Variants in OCA2 observed in about 807,000 individuals in gnomAD.
The protein encoded by OCA2 is OCA2 melanosomal transmembrane protein, also known as P protein.
Under a neutral mutation model 100.2 loss-of-function variants are expected in OCA2, and 77 were observed. The observed-to-expected ratio is 0.77, with a 90% CI of 0.64 to 0.93. The LOEUF (loss-of-function observed/expected upper bound fraction) is 0.93. Among genes scored for constraint, OCA2 ranks in the 40% least tolerant of loss-of-function variants. The pLI is 0.00. For synonymous variants in OCA2, 432 were observed against 439.2 expected (o/e 0.98, Z 0.21); for missense variants, 1,062 against 1,089.1 (o/e 0.98, Z 0.35).
At chr15:28,025,585 G>A (rs1322743361) in intron 4 of OCA2, among the ~76,000 whole-genome samples, 1 of 152,214 alleles carries the variant, frequency 6.6e-6, no homozygotes, top group Non-Finnish European at 1.5e-5. Context: ...CCGGACCACA[G>A]GGCCTTTGCC....
At chr15:27,763,596 G>A (rs1004298803) in intron 23 of OCA2, among the ~76,000 whole-genome samples, 1 of 152,234 alleles carries the variant, frequency 6.6e-6, no homozygotes. Context: ...GCTGTGAGTG[G>A]TTGCGATGCC....
At chr15:27,809,051 T>C (rs1018721435) in intron 23 of OCA2, among the ~76,000 whole-genome samples, 2 of 152,106 alleles carry the variant, frequency 1.3e-5, no homozygotes, top group Non-Finnish European at 2.9e-5. Flanking sequence ...CCCCAAAGGC[T>C]CCCCAACCTT....
intron 5 of OCA2, among the ~76,000 whole-genome samples, chr15:28,024,186 G>T (rs2141312742): frequency 6.6e-6 from 1 of 152,296 alleles, no homozygotes; most frequent in East Asian, 1.9e-4. Context: ...GGGTCCATCT[G>T]CTAGGACCCC....
At chr15:27,983,719 G>C (rs1286155750) in intron 13 of OCA2, among the ~76,000 whole-genome samples, 3 of 151,928 alleles carry the variant, frequency 2.0e-5, no homozygotes, top group African/African-American at 7.2e-5. Flanking sequence ...CCAAACCCTC[G>C]GTGTGGTCAG....
intron 23 of OCA2, among the ~76,000 whole-genome samples, chr15:27,836,327 G>A (rs2035149924): frequency 6.6e-6 from 1 of 152,164 alleles, no homozygotes; most frequent in South Asian, 2.1e-4. Context: ...AGAAGCCTAA[G>A]GCCCATTTCT....
intron 23 of OCA2, among the ~76,000 whole-genome samples, chr15:27,773,751 C>G (rs1331915508): frequency 1.3e-5 from 2 of 152,188 alleles, no homozygotes; most frequent in Non-Finnish European, 2.9e-5. Flanking sequence ...ACATGTGAAA[C>G]TTGGCTGGAT....
intron 2 of OCA2, among the ~76,000 whole-genome samples, chr15:28,053,372 A>G (rs187716242): frequency 1.3e-5 from 2 of 152,196 alleles, no homozygotes; most frequent in Admixed American, 6.5e-5. Context: ...ACGCCCCCCA[A>G]CCTCAATAGC....
intron 19 of OCA2, among the ~76,000 whole-genome samples, chr15:27,897,260 T>A (rs920658788): frequency 6.6e-6 from 1 of 151,554 alleles, no homozygotes; most frequent in African/African-American, 2.4e-5. Flanking sequence ...AAGAAAAATA[T>A]AGTTTCCTGG....
intron 18 of OCA2, among the ~76,000 whole-genome samples, chr15:27,942,580 T>TG (rs1463680796): frequency 2.6e-5 from 4 of 152,152 alleles, no homozygotes; most frequent in African/African-American, 9.7e-5. Context: ...GTTCTGGAAT[T>TG]GGATACTGAC....
At chr15:27,780,978 T>G (rs2032510497) in intron 23 of OCA2, among the ~76,000 whole-genome samples, 1 of 152,246 alleles carries the variant, frequency 6.6e-6, no homozygotes. Context: ...GTACCTTGTC[T>G]GTTTCATTCT....
At chr15:27,951,690 G>C in intron 18 of OCA2, 94 bp downstream of exon 18, 1 of 922,846 alleles carries the variant, frequency 1.1e-6, no homozygotes, top group Non-Finnish European at 1.8e-6. Context: ...CAGCCCGGCT[G>C]CCTGTGGGCA....
intron 23 of OCA2, among the ~76,000 whole-genome samples, chr15:27,783,805 G>A (rs975383856): frequency 5.9e-5 from 9 of 152,230 alleles, no homozygotes; most frequent in African/African-American, 2.2e-4. Context: ...TGTGGCTCAG[G>A]CCTGGCAAGG....
At chr15:27,984,299 C>T (rs1567191926) in intron 13 of OCA2, among the ~76,000 whole-genome samples, 1 of 152,078 alleles carries the variant, frequency 6.6e-6, no homozygotes, top group Non-Finnish European at 1.5e-5. Flanking sequence ...TGGGAGTGGG[C>T]CCGGGCAGTG....
intron 23 of OCA2, among the ~76,000 whole-genome samples, chr15:27,811,478 T>A (rs2034075319): frequency 6.6e-6 from 1 of 152,192 alleles, no homozygotes; most frequent in Admixed American, 6.5e-5. Flanking sequence ...TTCATCCATG[T>A]ACCCAAAATC....
chr15:28,067,777 T>C (rs910480653), intron 2 of OCA2, among the ~76,000 whole-genome samples: 1 of 152,232 alleles, frequency 6.6e-6, no homozygotes, highest in African/African-American at 2.4e-5. Context: ...TCTTAGAATA[T>C]GTTCCATATG....
chr15:27,737,016 C>T, the OCA2 span, among the ~76,000 whole-genome samples: 2 of 151,452 alleles, frequency 1.3e-5, no homozygotes, highest in South Asian at 4.1e-4. Context: ...AGAGGGCCAA[C>T]ACATACAAAA....
intron 2 of OCA2, 143 bp downstream of exon 2, chr15:28,081,505 A>G: frequency 1.4e-6 from 1 of 707,972 alleles, no homozygotes; most frequent in Non-Finnish European, 2.5e-6. Context: ...TCAAAAACTA[A>G]GCCAGGAAAG....
At position 27,989,583 on chromosome 15, in the gene OCA2, G is replaced by C. The variant is rs200890879; in HGVS notation, c.1182+18C>G. 7.4e-5 allele frequency: 120 copies of C among 1,611,028 alleles called. No individual in the cohort carries two copies. Among genetic ancestry groups the C allele is most frequent in the Non-Finnish European group, 9.5e-5 (112 of 1,177,424 alleles). ...CCGCAGGCGTGGAGCCCAGTCCCAC[G>C]GGGAGAGCTGTAATTACCATGCCAA... On this transcript the variant is annotated intron_variant, in intron 11 of 23. Coordinates refer to ENST00000354638, the MANE Select transcript of OCA2 (RefSeq NM_000275.3).
At chr15:28,000,826 G>C (rs2141108986) in intron 9 of OCA2, among the ~76,000 whole-genome samples, 1 of 152,168 alleles carries the variant, frequency 6.6e-6, no homozygotes. Flanking sequence ...TCCCAAAGAA[G>C]ACATGCAAAT....
Sources: gnomAD v4.1 joint callset for allele counts (sites outside exome capture counted in the v4.1 genomes callset) on GRCh38, gnomAD v4.1.1 for gene constraint, MANE v1.5 for transcripts, NCBI Gene and HGNC (gene_info 2026-07-23, HGNC 2026-07-21) for gene names.